NBEAL1: variants seen among roughly 807,000 people sequenced by gnomAD.
NBEAL1 encodes neurobeachin-like protein 1.
NBEAL1 carries 273 observed loss-of-function variants against 351.3 expected under a neutral mutation model. The ratio of observed to expected loss-of-function variants is 0.78; its 90% CI spans 0.70 to 0.86. The LOEUF (loss-of-function observed/expected upper bound fraction) is 0.86, where lower values mean the gene tolerates loss of function less well. Ranked by LOEUF, NBEAL1 falls within the 40% of genes least tolerant of loss-of-function variation. The probability of loss-of-function intolerance (pLI) is 0.00; values close to 1 mark genes in which losing one functional copy is unlikely to be tolerated. For missense variants in NBEAL1, 2,961 were observed against 3,201.3 expected (o/e 0.92, Z 1.81); for synonymous variants, 1,050 against 1,086.4 (o/e 0.97, Z 0.66).
chr2:203,034,320 GC>G (rs1224936362), intron 2 of NBEAL1, among the ~76,000 whole-genome samples: 1 of 150,286 alleles, frequency 6.7e-6, no homozygotes, highest in Non-Finnish European at 1.5e-5. Flanking sequence ...ACCATATCCA[GC>G]TAATTTTTTG....
chr2:203,124,803 T>G (rs945412031), intron 19 of NBEAL1, among the ~76,000 whole-genome samples: 6 of 152,162 alleles, frequency 3.9e-5, no homozygotes, highest in African/African-American at 1.4e-4. Context: ...ATTATCCTCA[T>G]TTTACAGATG....
intron 46 of NBEAL1, among the ~76,000 whole-genome samples, chr2:203,191,861 T>TA (rs2065099633): frequency 6.6e-6 from 1 of 152,208 alleles, no homozygotes; most frequent in Non-Finnish European, 1.5e-5. Context: ...TATGGGCCTT[T>TA]ATTTGCTACC....
chr2:203,128,543 G>A (rs529046755), intron 24 of NBEAL1, among the ~76,000 whole-genome samples: 2 of 151,614 alleles, frequency 1.3e-5, no homozygotes, highest in Non-Finnish European at 2.9e-5. Flanking sequence ...CATAGTCTGC[G>A]TGGTGTATGT....
Position 203,125,965 on chromosome 2 carries a change from A to G in NBEAL1, c.2857A>G (p.Arg953Gly). The G allele has an allele frequency of 2.0e-6, 3 of 1,530,366 alleles. No individual in the cohort carries two copies. Among genetic ancestry groups the G allele is most frequent in the Non-Finnish European group, 2.6e-6 (3 of 1,138,542 alleles). 94.8% of individuals were successfully genotyped at this position (1,530,366 alleles called of 1,614,324 possible). Residue 953 changes from arginine to glycine, a missense_variant, in exon 21 of 56, where the codon AGA becomes GGA. Transcript: ENST00000683969. The part of the protein sequence containing the change: ...VWTSTKASES[R>G]LERNLVATFI... ...ATATGTTCCTGATTCTACAGAGTCA[A>G]GACTAGAGAGAAACCTAGTTGCAAC...
intron 27 of NBEAL1, among the ~76,000 whole-genome samples, chr2:203,133,958 C>G (rs1364960655): frequency 6.6e-6 from 1 of 151,666 alleles, no homozygotes; most frequent in Non-Finnish European, 1.5e-5. Flanking sequence ...AGGTTGTTTC[C>G]TGCTTTTCCA....
chr2:203,121,976 G>A (rs1002530859), intron 18 of NBEAL1, among the ~76,000 whole-genome samples: 5 of 151,816 alleles, frequency 3.3e-5, no homozygotes, highest in South Asian at 2.1e-4. Context: ...AGTAGAGATG[G>A]GGTTTTACCA....
intron 55 of NBEAL1, among the ~76,000 whole-genome samples, chr2:203,216,500 T>C (rs1371439348): frequency 3.9e-5 from 6 of 151,998 alleles, no homozygotes; most frequent in South Asian, 2.1e-4. Flanking sequence ...TCCCAGCACT[T>C]TGGGAGGCTG....
intron 2 of NBEAL1, among the ~76,000 whole-genome samples, chr2:203,037,670 T>C (rs985058264): frequency 6.7e-6 from 1 of 148,978 alleles, no homozygotes; most frequent in African/African-American, 2.4e-5. Context: ...GCTCTAGAAC[T>C]TCATATAAGT....
intron 1 of NBEAL1, among the ~76,000 whole-genome samples, chr2:203,015,409 C>T (rs1410454312): frequency 1.3e-5 from 2 of 151,880 alleles, no homozygotes; most frequent in African/African-American, 4.8e-5. Flanking sequence ...ACTGGGAATT[C>T]CTCCCCCGCC....
chr2:203,032,485 G>A (rs1052670449), intron 2 of NBEAL1, among the ~76,000 whole-genome samples: 4 of 151,520 alleles, frequency 2.6e-5, no homozygotes, highest in African/African-American at 2.4e-5. Flanking sequence ...GTGAAACCCC[G>A]TCTCTACTAA....
intron 10 of NBEAL1, among the ~76,000 whole-genome samples, chr2:203,090,040 C>T (rs926010545): frequency 9.2e-5 from 14 of 152,162 alleles, no homozygotes; most frequent in African/African-American, 3.1e-4. Flanking sequence ...TATTGATGGA[C>T]ATAATTTTAA....
intron 31 of NBEAL1, among the ~76,000 whole-genome samples, chr2:203,143,288 T>A (rs2063427259): frequency 6.6e-6 from 1 of 152,220 alleles, no homozygotes; most frequent in Admixed American, 6.5e-5. Flanking sequence ...ATACAGTATT[T>A]CTTTGTCTGG....
intron 6 of NBEAL1, among the ~76,000 whole-genome samples, chr2:203,058,832 G>A (rs2061449304): frequency 6.6e-6 from 1 of 152,164 alleles, no homozygotes; most frequent in African/African-American, 2.4e-5. Flanking sequence ...ATATAGAAGG[G>A]TGGGTTGGTA....
chr2:203,130,795 T>G (rs541421356), intron 25 of NBEAL1, among the ~76,000 whole-genome samples: 1 of 152,330 alleles, frequency 6.6e-6, no homozygotes, highest in African/African-American at 2.4e-5. Flanking sequence ...GCAAACTTTA[T>G]GTAGCAACCA....
Position 203,167,288 on chromosome 2 carries a change from C to A in NBEAL1, c.5925C>A (p.Tyr1975Ter), listed in dbSNP as rs2064162904. The A allele has an allele frequency of 1.2e-6, 2 of 1,612,812 alleles. No homozygotes were observed. The highest frequency in any genetic ancestry group is 1.1e-5 in the South Asian group (1 of 90,778). Residue 1975 changes from tyrosine to a stop codon, truncating the protein, a stop_gained, in exon 38 of 56, where the codon TAC becomes TAA. Transcript: ENST00000683969. LOFTEE classifies it high-confidence loss of function. ...SQIREIHLRRYNLRRSALEIF... is the reference protein window; with the variant it reads ...SQIREIHLRR ...TTCGAGAGATTCATCTCCGGCGTTA[C>A]AATTTAAGAAGATCAGCCCTTGAGA... is the stretch of plus-strand genomic sequence containing the variant.
At chr2:203,079,770 CTTA>C (rs1259476769) in intron 8 of NBEAL1, among the ~76,000 whole-genome samples, 1 of 151,918 alleles carries the variant, frequency 6.6e-6, no homozygotes, top group African/African-American at 2.4e-5. Flanking sequence ...GGCATATTAC[CTTA>C]TTATTTTTGG....
intron 18 of NBEAL1, 134 bp from the exon 19 acceptor site, chr2:203,122,120 A>G (rs1417169942): frequency 9.2e-6 from 5 of 543,426 alleles, no homozygotes; most frequent in South Asian, 2.5e-5. Context: ...CAGCAATACT[A>G]AAATTCATAT....
intron 2 of NBEAL1, among the ~76,000 whole-genome samples, chr2:203,016,860 T>C (rs969733665): frequency 6.6e-6 from 1 of 152,242 alleles, no homozygotes; most frequent in African/African-American, 2.4e-5. Context: ...TTGATTGAAC[T>C]GCGTGCTGTG....
At chr2:203,191,428 C>A (rs1295907831) in intron 46 of NBEAL1, 9 of 455,542 alleles carry the variant, frequency 2.0e-5, no homozygotes, top group Non-Finnish European at 3.1e-5. Flanking sequence ...GAAATTAAAT[C>A]ATTATCTTCC....
Sources: allele counts gnomAD v4.1 joint callset (sites outside exome capture counted in the v4.1 genomes callset), GRCh38; gene constraint gnomAD v4.1.1; transcripts MANE v1.5; gene names NCBI Gene and HGNC (gene_info 2026-07-23, HGNC 2026-07-21).